Variants in PRDM5 observed in about 807,000 individuals in gnomAD.
The protein encoded by PRDM5 is PR/SET domain 5.
Under a neutral mutation model 81.2 loss-of-function variants are expected in PRDM5, and 56 were observed. The observed-to-expected ratio is 0.69, with a 90% confidence interval of 0.56 to 0.86. The LOEUF (loss-of-function observed/expected upper bound fraction) is 0.86. Among genes scored for constraint, PRDM5 ranks in the 40% least tolerant of loss-of-function variants. The probability of loss-of-function intolerance (pLI) is 0.00; values close to 1 mark genes in which losing one functional copy is unlikely to be tolerated. For missense variants in PRDM5, 697 were observed against 770.1 expected (o/e 0.91, Z 1.12); for synonymous variants, 267 against 256.4 (o/e 1.04, Z -0.39).
At chr4:120,705,169 A>G (rs1735928265) in intron 15 of PRDM5, among the ~76,000 whole-genome samples, 1 of 152,326 alleles carries the variant, frequency 6.6e-6, no homozygotes, top group East Asian at 1.9e-4. Flanking sequence ...TGATTTAAAC[A>G]TGAACAAAAG....
intron 3 of PRDM5, among the ~76,000 whole-genome samples, chr4:120,825,173 A>G (rs1755798426): frequency 6.6e-6 from 1 of 152,132 alleles, no homozygotes; most frequent in Non-Finnish European, 1.5e-5. Flanking sequence ...CTCATCTGTA[A>G]AATGGAGAAA....
intron 3 of PRDM5, among the ~76,000 whole-genome samples, chr4:120,827,148 TAAGAA>T (rs1410293095): frequency 6.6e-6 from 1 of 152,134 alleles, no homozygotes; most frequent in Non-Finnish European, 1.5e-5. Context: ...TGCATTCTGA[TAAGAA>T]AAGAAGAGAG....
chr4:120,799,803 C>T (rs994906569), intron 8 of PRDM5, 58 bp from the exon 9 acceptor site: 4 of 1,584,968 alleles, frequency 2.5e-6, no homozygotes, highest in Non-Finnish European at 3.4e-6. Context: ...AATTACACAG[C>T]TCTCAAGCAA....
In PRDM5 at chr4:120,716,233, C is replaced by T. The variant is rs372119623; in HGVS notation, c.1624-5820G>A. On this transcript the variant is annotated intron_variant, in intron 14 of 15. Transcript: ENST00000264808. ...TACAAATGTCGTTGAAATTATATTA[C>T]CTTTCCTTATTTTCTCCTTCACAAT... Among the ~76,000 whole-genome samples the T allele has an allele frequency of 7.2e-5, 11 of 152,130 alleles. 1 individual carries two copies. The highest frequency in any genetic ancestry group is 5.8e-4 in the East Asian group (3 of 5,208).
chr4:120,818,241 TGCGCGTGC>T (rs1368849786), intron 5 of PRDM5, 104 bp downstream of exon 5: 54 of 1,125,946 alleles, frequency 4.8e-5, no homozygotes, highest in Non-Finnish European at 6.6e-5. Flanking sequence ...ACACAAAACA[TGCGCGTGC>T]GCGCGTGCAC....
intron 13 of PRDM5, among the ~76,000 whole-genome samples, chr4:120,773,143 T>G (rs1263725888): frequency 6.6e-6 from 1 of 152,246 alleles, no homozygotes; most frequent in Non-Finnish European, 1.5e-5. Context: ...GTGATTGAGT[T>G]GCAAGCTGAC....
intron 7 of PRDM5, among the ~76,000 whole-genome samples, chr4:120,813,337 A>G (rs1439763266): frequency 6.6e-6 from 1 of 152,190 alleles, no homozygotes; most frequent in Non-Finnish European, 1.5e-5. Flanking sequence ...ATGAATCACC[A>G]TCTATCCATC....
intron 2 of PRDM5, among the ~76,000 whole-genome samples, chr4:120,874,852 G>A (rs1762185252): frequency 6.6e-6 from 1 of 152,228 alleles, no homozygotes; most frequent in Non-Finnish European, 1.5e-5. Context: ...GGCTCTGACA[G>A]GAAGTATATG....
intron 10 of PRDM5, among the ~76,000 whole-genome samples, chr4:120,794,371 T>C (rs1751030039): frequency 1.3e-5 from 2 of 152,090 alleles, no homozygotes; most frequent in Non-Finnish European, 2.9e-5. Flanking sequence ...TATGTTTTGG[T>C]TTTAGATTCT....
chr4:120,893,495 A>G (rs369473786), intron 2 of PRDM5, among the ~76,000 whole-genome samples: 18 of 152,072 alleles, frequency 1.2e-4, no homozygotes, highest in African/African-American at 3.9e-4. Flanking sequence ...GTTGACTTGC[A>G]CTCTATGACT....
chr4:120,842,845 C>G (rs1389164713), intron 3 of PRDM5, among the ~76,000 whole-genome samples: 1 of 152,146 alleles, frequency 6.6e-6, no homozygotes, highest in African/African-American at 2.4e-5. Flanking sequence ...AATGAGGGAA[C>G]AAACATTCTT....
chr4:120,762,074 CA>C (rs1745700018), intron 13 of PRDM5, among the ~76,000 whole-genome samples: 1 of 151,900 alleles, frequency 6.6e-6, no homozygotes, highest in African/African-American at 2.4e-5. Context: ...ATAAAAAGAC[CA>C]TTTTCAATAA....
intron 3 of PRDM5, among the ~76,000 whole-genome samples, chr4:120,832,209 G>A (rs1227472583): frequency 2.0e-5 from 3 of 152,214 alleles, no homozygotes; most frequent in Non-Finnish European, 4.4e-5. Context: ...GAGGCCTCAG[G>A]AAACTTACAA....
intron 14 of PRDM5, among the ~76,000 whole-genome samples, chr4:120,739,434 C>T (rs1307470577): frequency 6.6e-6 from 1 of 152,152 alleles, no homozygotes; most frequent in African/African-American, 2.4e-5. Context: ...CCCCTCCCCA[C>T]AAAAAGTTCA....
intron 14 of PRDM5, among the ~76,000 whole-genome samples, chr4:120,745,194 C>G (rs1490355474): frequency 8.8e-6 from 1 of 114,172 alleles, no homozygotes; most frequent in East Asian, 2.5e-4. Context: ...ATGATTATCT[C>G]AATAGATGCA....
At position 120,799,708 on chromosome 4, in the gene PRDM5, T is replaced by A. The variant is rs1751844859; in HGVS notation, c.983A>T (p.Lys328Ile). 1 of 1,612,852 alleles carries A rather than the reference T, an allele frequency of 6.2e-7. No homozygotes were observed. Among genetic ancestry groups the A allele is most frequent in the African/African-American group, 1.3e-5 (1 of 74,884 alleles). ...EIFDCQECMK[K>I]FISANQLKRH... ...TTTTAGCTGATTAGCTGAAATAAATTTCTTCATACATTCTTGACAATCAAA... is the reference window on the plus strand; with the variant it reads ...TTTTAGCTGATTAGCTGAAATAAATATCTTCATACATTCTTGACAATCAAA... Residue 328 changes from lysine (K) to isoleucine (I), a missense_variant, in exon 9 of 16, where the codon AAA (lysine) becomes ATA (isoleucine). Physicochemically the swap from Lys to Ile is moderately radical, Grantham distance 102. Coordinates refer to ENST00000264808, the MANE Select transcript of PRDM5 (RefSeq NM_018699.4).
intron 14 of PRDM5, among the ~76,000 whole-genome samples, chr4:120,726,671 G>C (rs1378093939): frequency 6.6e-6 from 1 of 152,202 alleles, no homozygotes; most frequent in African/African-American, 2.4e-5. Flanking sequence ...AGAGAATTCA[G>C]TGAGTACACA....
At chr4:120,870,434 G>T (rs1761655509) in intron 2 of PRDM5, among the ~76,000 whole-genome samples, 1 of 152,064 alleles carries the variant, frequency 6.6e-6, no homozygotes, top group Non-Finnish European at 1.5e-5. Context: ...GACCTGCTTG[G>T]AAAGAGCTCA....
chr4:120,754,626 T>C lies in PRDM5; in HGVS notation c.1550A>G (p.Tyr517Cys), dbSNP rs763317084. Reference sequence around the variant, plus strand: ...TCCTTTTTCACAGTAAGGACATTGATAGGGACGCTCACCTACAAATAAAGG... The same window carrying C: ...TCCTTTTTCACAGTAAGGACATTGACAGGGACGCTCACCTACAAATAAAGG... ...HIRSHTGERP[Y>C]QCPYCEKGFS... The change falls in exon 14 of 16, where the codon TAT becomes TGT. Residue 517 changes from tyrosine to cysteine, a missense_variant. By Grantham distance (194) the Tyr-to-Cys change is radical. Coordinates refer to ENST00000264808, the MANE Select transcript of PRDM5 (RefSeq NM_018699.4). The C allele has an allele frequency of 3.1e-6, 5 of 1,598,020 alleles. No homozygotes were observed. Among genetic ancestry groups the C allele is most frequent in the South Asian group, 2.2e-5 (2 of 90,734 alleles).
Sources: gnomAD v4.1 joint callset for allele counts (sites outside exome capture counted in the v4.1 genomes callset) on GRCh38, gnomAD v4.1.1 for gene constraint, MANE v1.5 for transcripts, NCBI Gene and HGNC (gene_info 2026-07-23, HGNC 2026-07-21) for gene names.